Variants in KCNH7 observed in about 807,000 individuals in gnomAD.
KCNH7 encodes the protein potassium voltage-gated channel subfamily H member 7.
Under a neutral mutation model 120.8 loss-of-function variants are expected in KCNH7, and 49 were observed. The ratio of observed to expected loss-of-function variants is 0.41; its 90% confidence interval spans 0.32 to 0.51. The LOEUF (loss-of-function observed/expected upper bound fraction) is 0.51. Among genes scored for constraint, KCNH7 ranks in the 20% least tolerant of loss-of-function variants. The probability of loss-of-function intolerance (pLI) is 0.38; values close to 1 mark genes in which losing one functional copy is unlikely to be tolerated. For missense variants in KCNH7, 1,097 were observed against 1,446.6 expected (o/e 0.76, Z 3.92); for synonymous variants, 547 against 516.1 (o/e 1.06, Z -0.81).
At position 162,400,548 on chromosome 2, in the gene KCNH7, C is replaced by A. The variant is rs1026089896; in HGVS notation, c.2155-107G>T. 2.0e-5 allele frequency: 22 copies of A among 1,106,786 alleles called. No individual in the cohort carries two copies. The African/African-American group carries it at 3.1e-4, about 16-fold the overall frequency. 68.6% of individuals were successfully genotyped at this position (1,106,786 alleles called of 1,614,324 possible). On this transcript the variant is annotated intron_variant, in intron 9 of 15. Transcript: ENST00000332142. ...AACTGCAGGTGTAGTCATTGCCACGCAGGAGTTCCTACTACTCTTCTACCT... is the reference window on the plus strand; with the variant it reads ...AACTGCAGGTGTAGTCATTGCCACGAAGGAGTTCCTACTACTCTTCTACCT...
chr2:162,394,114 C>T (rs1485051569), intron 12 of KCNH7, among the ~76,000 whole-genome samples: 3 of 151,986 alleles, frequency 2.0e-5, no homozygotes, highest in South Asian at 4.1e-4. Flanking sequence ...GTGCTCCGAA[C>T]GAATTGACCT....
intron 3 of KCNH7, among the ~76,000 whole-genome samples, chr2:162,525,273 A>G (rs1275144663): frequency 2.0e-5 from 3 of 152,020 alleles, no homozygotes; most frequent in African/African-American, 2.4e-5. Flanking sequence ...GGAGGAAGTC[A>G]GTGCTGTAGC....
At chr2:162,592,106 G>T (rs1191292721) in intron 2 of KCNH7, among the ~76,000 whole-genome samples, 2 of 152,038 alleles carry the variant, frequency 1.3e-5, no homozygotes, top group African/African-American at 4.8e-5. Flanking sequence ...AAAAATATAG[G>T]CAAAGAAAGT....
rs540365856 is a variant in KCNH7 at position 162,433,728 on chromosome 2, T to A, written c.1954+1470A>T. 4.6e-5 allele frequency among the ~76,000 whole-genome samples: 7 copies of A among 152,084 alleles called. No homozygotes were observed. In the East Asian group the frequency reaches 1.4e-3, roughly 29 times the overall value. ...TGGATAACAGATGCTGGTGAGGCTGTGGAGAAAATGGAATGCTTATATTGG... is the reference window on the plus strand; with the variant it reads ...TGGATAACAGATGCTGGTGAGGCTGAGGAGAAAATGGAATGCTTATATTGG... On this transcript the variant is annotated intron_variant, in intron 8 of 15. Coordinates refer to ENST00000332142, the MANE Select transcript of KCNH7 (RefSeq NM_033272.4).
At chr2:162,683,969 G>A (rs1010091677) in intron 2 of KCNH7, among the ~76,000 whole-genome samples, 15 of 151,812 alleles carry the variant, frequency 9.9e-5, no homozygotes, top group Admixed American at 2.6e-4. Context: ...CTACGGTAAC[G>A]AAAACAGCGT....
intron 2 of KCNH7, among the ~76,000 whole-genome samples, chr2:162,628,884 T>C (rs1343527682): frequency 6.6e-6 from 1 of 152,094 alleles, no homozygotes; most frequent in Non-Finnish European, 1.5e-5. Flanking sequence ...TTTCTGAACA[T>C]GAGGACCAGT....
intron 2 of KCNH7, among the ~76,000 whole-genome samples, chr2:162,807,272 A>AAAAAAAAAAAC (rs1684580035): frequency 8.4e-6 from 1 of 119,020 alleles, no homozygotes; most frequent in Non-Finnish European, 1.8e-5. Flanking sequence ...AAAAAAAAAA[A>AAAAAAAAAAAC]AAAAAAAAAA....
At chr2:162,481,607 G>A (rs1689931780) in intron 6 of KCNH7, among the ~76,000 whole-genome samples, 1 of 152,044 alleles carries the variant, frequency 6.6e-6, no homozygotes, top group East Asian at 1.9e-4. Context: ...AGCAAGTGCA[G>A]AGTATATAAA....
chr2:162,371,859 A>C lies in KCNH7; in HGVS notation c.3561T>G (p.His1187Gln). The change falls in exon 16 of 16, where the codon CAT (histidine) becomes CAG (glutamine). Residue 1187 changes from histidine (H) to glutamine (Q), a missense_variant. Physicochemically the swap from His to Gln is conservative, Grantham distance 24 (BLOSUM62 0). Transcript: ENST00000332142. ...TCCCTGGAAGACCAGGATCAGAAAC[A>C]TGCCTATGAAGACCCACGATTCCTA... ...STVGIVGLHR[H>Q]VSDPGLPGK 1 of 1,611,218 alleles carries C rather than the reference A, an allele frequency of 6.2e-7. No homozygotes were observed. Among genetic ancestry groups the C allele is most frequent in the Non-Finnish European group, 8.5e-7 (1 of 1,177,554 alleles).
intron 6 of KCNH7, among the ~76,000 whole-genome samples, chr2:162,484,220 A>AACACACACAC (rs71960380): frequency 1.4e-5 from 2 of 146,844 alleles, no homozygotes; most frequent in African/African-American, 5.0e-5. Flanking sequence ...TGAGTCTTTC[A>AACACACACAC]ACACACACAC....
At chr2:162,684,555 T>G (rs985445725) in intron 2 of KCNH7, among the ~76,000 whole-genome samples, 1 of 152,078 alleles carries the variant, frequency 6.6e-6, no homozygotes, top group African/African-American at 2.4e-5. Context: ...GAACAGACAC[T>G]TCTCAAAAGA....
chr2:162,454,692 T>C (rs6734436), intron 6 of KCNH7, among the ~76,000 whole-genome samples: 31,246 of 151,360 alleles, frequency 0.21, 6,062 homozygotes, highest in African/African-American at 0.5. Context: ...TTATTCTCTT[T>C]GTAGCAATTG....
At chr2:162,618,684 G>A (rs1025931064) in intron 2 of KCNH7, among the ~76,000 whole-genome samples, 1 of 152,014 alleles carries the variant, frequency 6.6e-6, no homozygotes, top group African/African-American at 2.4e-5. Flanking sequence ...TTATTGTTGT[G>A]GATGTAAATA....
rs12618824 is a variant in KCNH7 at position 162,807,321 on chromosome 2, C to G, written c.307+29216G>C. Among the ~76,000 whole-genome samples, 5 of 150,348 alleles carry G rather than the reference C, an allele frequency of 3.3e-5. No homozygotes were observed. In the East Asian group the frequency reaches 1.0e-3, roughly 30 times the overall value. The stretch of plus-strand genomic sequence containing the variant: ...GTGTGGTGCTGTGCAACTGTAGTCC[C>G]AGCTACTGGAGAGGCTGAGGTACGA... On this transcript the variant is annotated intron_variant, in intron 2 of 15. Coordinates refer to ENST00000332142, the MANE Select transcript of KCNH7 (RefSeq NM_033272.4).
chr2:162,644,889 G>T lies in KCNH7; in HGVS notation c.308-107809C>A, dbSNP rs538239315. Among the ~76,000 whole-genome samples the T allele has an allele frequency of 3.9e-5, 6 of 152,172 alleles. No homozygotes were observed. The South Asian group carries it at 1.2e-3, about 32-fold the overall frequency. On this transcript the variant is annotated intron_variant, in intron 2 of 15. Coordinates refer to ENST00000332142, the MANE Select transcript of KCNH7 (RefSeq NM_033272.4). ...ACTAACACTGCAAAATATGCAGAATGCCTATTTAACCAGGGTTATTTGACC... is the reference window on the plus strand; with the variant it reads ...ACTAACACTGCAAAATATGCAGAATTCCTATTTAACCAGGGTTATTTGACC...
At chr2:162,593,791 G>A (rs540846149) in intron 2 of KCNH7, among the ~76,000 whole-genome samples, 2 of 152,076 alleles carry the variant, frequency 1.3e-5, no homozygotes, top group South Asian at 4.1e-4. Context: ...TCTACAGCTT[G>A]AGTATCCCTA....
intron 2 of KCNH7, among the ~76,000 whole-genome samples, chr2:162,763,828 A>G (rs1689051302): frequency 6.7e-6 from 1 of 149,440 alleles, no homozygotes; most frequent in African/African-American, 2.5e-5. Context: ...TTTGCTGCCT[A>G]CTATGTGTCA....
At chr2:162,517,324 A>T (rs1483408874) in intron 4 of KCNH7, among the ~76,000 whole-genome samples, 2 of 151,830 alleles carry the variant, frequency 1.3e-5, no homozygotes, top group African/African-American at 4.8e-5. Context: ...CTTTGGAAAG[A>T]GTCGGTCAAT....
intron 2 of KCNH7, among the ~76,000 whole-genome samples, chr2:162,568,610 G>C (rs1693343269): frequency 6.6e-6 from 1 of 151,858 alleles, no homozygotes; most frequent in Non-Finnish European, 1.5e-5. Flanking sequence ...AACATTTCTT[G>C]TTGAATTGCA....
Sources: allele counts gnomAD v4.1 joint callset (sites outside exome capture counted in the v4.1 genomes callset), GRCh38; gene constraint gnomAD v4.1.1; transcripts MANE v1.5; gene names NCBI Gene and HGNC (gene_info 2026-07-23, HGNC 2026-07-21).